AKT2: variants seen among roughly 807,000 people sequenced by gnomAD.
AKT2 encodes AKT serine/threonine kinase 2.
AKT2 carries 16 observed loss-of-function variants against 58.6 expected under a neutral mutation model. The ratio of observed to expected loss-of-function variants is 0.27; its 90% CI spans 0.18 to 0.41. The LOEUF (loss-of-function observed/expected upper bound fraction) is 0.41. AKT2 is among the 10% of genes least tolerant of loss of function. The pLI is 1.00. For missense variants in AKT2, 438 were observed against 661.0 expected, an observed-to-expected ratio of 0.66 and a Z score of 3.70; for synonymous variants, 253 against 254.0, an observed-to-expected ratio of 1.00 and a Z score of 0.04.
chr19:40,230,609 G>C lies in AKT2; in HGVS notation c.*3263C>G. 4.4e-6 allele frequency: 1 copy of C among 228,274 alleles called. No homozygotes were observed. Among genetic ancestry groups the C allele is most frequent in the Non-Finnish European group, 8.7e-6 (1 of 114,860 alleles). The allele number at this position is 228,274 out of a possible 1,614,324, so 14.1% of individuals were successfully genotyped here. A position where few individuals can be genotyped will look rare whatever the true frequency, so the allele number is the denominator to read the frequency against. ...CCAATTTATGATGCCGTGTCCATTT[G>C]CAGAGAGGTAATCAGCACCAAAATG... On this transcript the variant is annotated 3_prime_UTR_variant, in exon 14 of 14. Transcript: ENST00000392038.
intron 1 of AKT2, among the ~76,000 whole-genome samples, chr19:40,275,789 G>GGGGGGGT: frequency 8.6e-6 from 1 of 116,114 alleles, no homozygotes; most frequent in Admixed American, 8.5e-5. Flanking sequence ...TGGGCGGGGG[G>GGGGGGGT]CGATCACAAG....
chr19:40,239,885 CAT>C (rs780907921), intron 7 of AKT2, 158 bp downstream of exon 7: 104 of 861,474 alleles, frequency 1.2e-4, no homozygotes, highest in South Asian at 2.2e-4. Context: ...ACCCCCACCA[CAT>C]GTCTTGGTTC....
intron 4 of AKT2, among the ~76,000 whole-genome samples, chr19:40,253,648 C>G (rs773683980): frequency 1.3e-5 from 2 of 152,178 alleles, no homozygotes; most frequent in Non-Finnish European, 2.9e-5. Context: ...ATAGAAACAT[C>G]GCAAAACCAC....
chr19:40,246,088 CAAAAAAAA>C (rs34293653), intron 4 of AKT2, among the ~76,000 whole-genome samples: 1 of 87,092 alleles, frequency 1.1e-5, no homozygotes. Context: ...TCCTGTTTTT[CAAAAAAAA>C]AAAAAAAAAA....
chr19:40,243,808 C>G (rs1401330923), intron 4 of AKT2: 1 of 152,154 alleles, frequency 6.6e-6, no homozygotes, highest in East Asian at 1.9e-4. Context: ...CTTTGGGAGG[C>G]CAAGGTGGAG....
At chr19:40,247,903 G>A (rs534298032) in intron 4 of AKT2, among the ~76,000 whole-genome samples, 3 of 152,198 alleles carry the variant, frequency 2.0e-5, no homozygotes, top group South Asian at 2.1e-4. Flanking sequence ...TTCCCCCATC[G>A]GTATTTTCTG....
chr19:40,280,422 G>A (rs913073979), intron 1 of AKT2, among the ~76,000 whole-genome samples: 15 of 152,298 alleles, frequency 9.8e-5, no homozygotes, highest in African/African-American at 3.4e-4. Context: ...TGGAGGGGAA[G>A]TGGGAGGCCT....
At position 40,242,279 on chromosome 19, in the gene AKT2, C is replaced by T. The variant is rs1974457853; in HGVS notation, c.442-210G>A. ...CACAGGGCCTTGGGAGGGCTGGGCT[C>T]TGACGTGGGGGTAGCCAGGTCTTCA... On this transcript the variant is annotated intron_variant, in intron 5 of 13. Transcript: ENST00000392038. The surrounding 1 kb of genome is among the most constrained non-coding windows in gnomAD (Gnocchi z 4.3). 21 of 876,216 alleles carry T rather than the reference C, an allele frequency of 2.4e-5. No homozygotes were observed. Among genetic ancestry groups the T allele is most frequent in the Non-Finnish European group, 3.5e-5 (20 of 563,950 alleles). The allele number at this position is 876,216 out of a possible 1,614,324, so 54.3% of individuals were successfully genotyped here.
At chr19:40,273,607 A>T (rs764062459) in intron 1 of AKT2, 1 of 151,662 alleles carries the variant, frequency 6.6e-6, no homozygotes, top group Non-Finnish European at 1.5e-5. Flanking sequence ...GTGGGGCTGG[A>T]GGCAGGTTGA....
At chr19:40,259,007 A>G (rs1459759321) in intron 2 of AKT2, among the ~76,000 whole-genome samples, 1 of 152,208 alleles carries the variant, frequency 6.6e-6, no homozygotes, top group Non-Finnish European at 1.5e-5. Context: ...AAAATTTACT[A>G]TACAAAGCTA....
chr19:40,249,366 C>T (rs1029839510), intron 4 of AKT2, among the ~76,000 whole-genome samples: 1 of 152,148 alleles, frequency 6.6e-6, no homozygotes, highest in African/African-American at 2.4e-5. Context: ...GCAGGCCCTG[C>T]GCCAGTGCCT....
intron 4 of AKT2, among the ~76,000 whole-genome samples, chr19:40,251,785 C>T (rs911909431): frequency 6.6e-6 from 1 of 152,170 alleles, no homozygotes; most frequent in Non-Finnish European, 1.5e-5. Flanking sequence ...TCAGGCGTGA[C>T]AGCATCATGA....
chr19:40,249,081 G>C (rs1313598626), intron 4 of AKT2, among the ~76,000 whole-genome samples: 2 of 152,068 alleles, frequency 1.3e-5, no homozygotes, highest in Non-Finnish European at 2.9e-5. Context: ...AGGAGATGAG[G>C]ACAGGGAGGA....
intron 2 of AKT2, among the ~76,000 whole-genome samples, chr19:40,258,017 C>T (rs376455571): frequency 5.3e-5 from 8 of 152,006 alleles, no homozygotes; most frequent in African/African-American, 1.9e-4. Flanking sequence ...GAGGCCGAGG[C>T]GAGCGGATCA....
chr19:40,284,294 A>G (rs2077475275), intron 1 of AKT2, among the ~76,000 whole-genome samples: 1 of 152,112 alleles, frequency 6.6e-6, no homozygotes, highest in African/African-American at 2.4e-5. Context: ...TCCAAGCCCA[A>G]TCCCTCTTCC....
chr19:40,255,287 A>G lies in AKT2; in HGVS notation c.176-18T>C, dbSNP rs770748153. ...CTGGCATTCTGCAGGCAGAGGGAAC[A>G]GACAGCAGGGGGCTGAGGGGATAGC... On this transcript the variant is annotated intron_variant, in intron 3 of 13. Transcript: ENST00000392038. 2 of 1,605,510 alleles carry G rather than the reference A, an allele frequency of 1.2e-6. No individual in the cohort carries two copies. Among genetic ancestry groups the G allele is most frequent in the Non-Finnish European group, 1.7e-6 (2 of 1,172,468 alleles).
chr19:40,259,929 G>C (rs1349462125), intron 2 of AKT2, among the ~76,000 whole-genome samples: 1 of 152,158 alleles, frequency 6.6e-6, no homozygotes, highest in Non-Finnish European at 1.5e-5. Context: ...GAGGCAGGCG[G>C]ATCACTTGAG....
chr19:40,262,045 G>A (rs1301678873), intron 2 of AKT2, among the ~76,000 whole-genome samples: 3 of 151,848 alleles, frequency 2.0e-5, no homozygotes, highest in Non-Finnish European at 4.4e-5. Context: ...CTGTACACTG[G>A]GATTGGGGCG....
chr19:40,238,821 C>T lies in AKT2; in HGVS notation c.708+84G>A. On this transcript the variant is annotated intron_variant, in intron 8 of 13. Transcript: ENST00000392038. The surrounding 1 kb of genome is among the most constrained non-coding windows in gnomAD (Gnocchi z 5.1). The stretch of plus-strand genomic sequence containing the variant: ...ACACTGAAATTTCCCTCCACCCTTC[C>T]ATCTCACCCACAGCTCCTCTCCATC... 7.0e-7 allele frequency: 1 copy of T among 1,423,428 alleles called. No individual in the cohort carries two copies. Among genetic ancestry groups the T allele is most frequent in the Admixed American group, 1.7e-5 (1 of 59,718 alleles). The allele number at this position is 1,423,428 out of a possible 1,614,324, so 88.2% of individuals were successfully genotyped here.
Sources: gnomAD v4.1 joint callset for allele counts (sites outside exome capture counted in the v4.1 genomes callset) on GRCh38, gnomAD v4.1.1 for gene constraint, Gnocchi (gnomAD v3.1) non-coding constraint, MANE v1.5 for transcripts, NCBI Gene and HGNC (gene_info 2026-07-23, HGNC 2026-07-21) for gene names.